The following RPL3 variants were observed in gnomAD, a reference collection of about 807,000 sequenced individuals.
RPL3 encodes the protein large ribosomal subunit protein uL3.
In RPL3, 3 loss-of-function variants were observed where a neutral mutation model predicts 46.0. The ratio of observed to expected loss-of-function variants is 0.07; its 90% confidence interval spans 0.03 to 0.17. The LOEUF (loss-of-function observed/expected upper bound fraction) is 0.17. Ranked by LOEUF, RPL3 falls within the 10% of genes least tolerant of loss-of-function variation. RPL3 has a pLI of 1.00. For synonymous variants in RPL3, 224 were observed against 190.8 expected, an observed-to-expected ratio of 1.17 and a Z score of -1.43; for missense variants, 387 against 532.7, an observed-to-expected ratio of 0.73 and a Z score of 2.69.
intron 2 of RPL3, 189 bp downstream of exon 2, chr22:39,318,211 A>G (rs738331): frequency 0.4 from 243,881 of 604,468 alleles, 55,367 homozygotes; most frequent in East Asian, 0.93. Flanking sequence ...AACAGTGCTG[A>G]CCATCTGTAG....
At position 39,318,596 on chromosome 22, in the gene RPL3, G is replaced by A. The variant is rs767555803; in HGVS notation, c.4-4C>T. 8 of 1,602,882 alleles carry A rather than the reference G, an allele frequency of 5.0e-6. No homozygotes were observed. Among genetic ancestry groups the A allele is most frequent in the African/African-American group, 1.3e-5 (1 of 74,616 alleles). ...GAGCGGAGAACTTTCTGTGAGACTA[G>A]GTGGGAAAAAAATCACCGTCAGCAC... is the stretch of plus-strand genomic sequence containing the variant. On this transcript the variant is annotated splice_polypyrimidine_tract_variant and splice_region_variant and intron_variant, in intron 1 of 9. Transcript: ENST00000216146.
chr22:39,314,544 A>G, intron 6 of RPL3, 142 bp downstream of exon 6: 1 of 1,027,956 alleles, frequency 9.7e-7, no homozygotes, highest in Non-Finnish European at 1.4e-6. Context: ...GATGGGCCAG[A>G]ACTGACCATG....
At position 39,319,577 on chromosome 22, in the gene RPL3, C is replaced by CGCCATTACAACACAT. The variant is rs1922927346; in HGVS notation, c.3+3_3+17dup. On this transcript the variant is annotated intron_variant, in intron 1 of 9. Transcript: ENST00000216146. ...CCGACGCCGGTGACAATGAAACGGCCGCCATTACAACACATACCATCACGC... is the reference window on the plus strand; with the variant it reads ...CCGACGCCGGTGACAATGAAACGGCCGCCATTACAACACATGCCATTACAACACATACCATCACGC... 1.9e-6 allele frequency: 3 copies of CGCCATTACAACACAT among 1,568,872 alleles called. No individual in the cohort carries two copies. Among genetic ancestry groups the CGCCATTACAACACAT allele is most frequent in the African/African-American group, 1.4e-5 (1 of 73,790 alleles).
chr22:39,318,832 A>T (rs1922865919), intron 1 of RPL3, among the ~76,000 whole-genome samples: 1 of 151,996 alleles, frequency 6.6e-6, no homozygotes, highest in South Asian at 2.1e-4. Flanking sequence ...AAAACGACCC[A>T]TTTTTTTTAT....
chr22:39,313,577 G>A, intron 8 of RPL3, 57 bp downstream of exon 8: 2 of 1,531,910 alleles, frequency 1.3e-6, no homozygotes, highest in Non-Finnish European at 9.0e-7. Context: ...CAGCGTCTGT[G>A]GCCTTGGATC....
chr22:39,317,393 C>T, intron 3 of RPL3, 68 bp downstream of exon 3: 2 of 1,537,108 alleles, frequency 1.3e-6, no homozygotes, highest in South Asian at 1.2e-5. Context: ...AGAAACCATG[C>T]ACACGCTGCT....
At chr22:39,315,762 T>C (rs924715908) in intron 4 of RPL3, among the ~76,000 whole-genome samples, 1 of 152,192 alleles carries the variant, frequency 6.6e-6, no homozygotes, top group Admixed American at 6.5e-5. Context: ...CCTGAGTTAC[T>C]GTCAGGATGA....
chr22:39,314,339 C>T (rs1380028015), intron 6 of RPL3, 131 bp from the exon 7 acceptor site: 2 of 798,048 alleles, frequency 2.5e-6, no homozygotes, highest in Non-Finnish European at 2.0e-6. Flanking sequence ...ATCCCAAGGT[C>T]AGAGCAAAAA....
At chr22:39,314,657 C>G in intron 6 of RPL3, 29 bp downstream of exon 6, 1 of 1,596,040 alleles carries the variant, frequency 6.3e-7, no homozygotes, top group South Asian at 1.1e-5. Flanking sequence ...CCTCTTCCCA[C>G]CCCCAGGGAG....
intron 5 of RPL3, 26 bp downstream of exon 5, chr22:39,315,343 G>A (rs775888728): frequency 1.2e-6 from 2 of 1,613,992 alleles, no homozygotes; most frequent in South Asian, 2.2e-5. Flanking sequence ...GGTTTGCACA[G>A]CAACTCAAGC....
At chr22:39,315,791 A>G (rs1569160634) in intron 4 of RPL3, among the ~76,000 whole-genome samples, 1 of 152,148 alleles carries the variant, frequency 6.6e-6, no homozygotes, top group Non-Finnish European at 1.5e-5. Flanking sequence ...GACCCACACC[A>G]CAGGCAAACA....
At position 39,317,488 on chromosome 22, in the gene RPL3, T is replaced by A; in HGVS notation, c.338A>T (p.Glu113Val). Residue 113 changes from glutamate to valine, a missense_variant, in exon 3 of 10, where the codon GAA becomes GTA. By Grantham distance (121) the Glu-to-Val change is moderately radical (BLOSUM62 -2). This residue lies in a region of RPL3 where 196 missense variants were observed against 217.5 expected (regional missense o/e 0.90). Coordinates refer to ENST00000216146, the MANE Select transcript of RPL3 (RefSeq NM_000967.4). ...KTVFAEHISDECKRRFYKNWH... is the reference protein window; with the variant it reads ...KTVFAEHISDVCKRRFYKNWH... The stretch of plus-strand genomic sequence containing the variant: ...ATTCTTATAGAAACGCCTCTTGCAT[T>A]CATCACTGATGTGCTCAGCAAAGAC... The A allele has an allele frequency of 6.2e-7, 1 of 1,613,940 alleles. No homozygotes were observed. The highest frequency in any genetic ancestry group is 8.5e-7 in the Non-Finnish European group (1 of 1,179,834).
chr22:39,319,354 G>A, intron 1 of RPL3: 2 of 615,702 alleles, frequency 3.2e-6, no homozygotes, highest in Non-Finnish European at 2.9e-6. Flanking sequence ...GGGCCTCCAA[G>A]CCTGCTCCCA....
chr22:39,316,536 G>C (rs969344801), intron 4 of RPL3, among the ~76,000 whole-genome samples, 170 bp downstream of exon 4: 1 of 152,236 alleles, frequency 6.6e-6, no homozygotes, highest in Non-Finnish European at 1.5e-5. Context: ...TGAGTCACCA[G>C]TTGAATTTTA....
intron 2 of RPL3, 162 bp from the exon 3 acceptor site, chr22:39,317,791 A>T: frequency 1.4e-6 from 1 of 703,488 alleles, no homozygotes; most frequent in Non-Finnish European, 2.4e-6. Flanking sequence ...CTCTCATTCA[A>T]AGCACATTTA....
At chr22:39,318,138 T>C in intron 2 of RPL3, 1 of 463,334 alleles carries the variant, frequency 2.2e-6, no homozygotes, top group Non-Finnish European at 3.8e-6. Context: ...AACTTCTCTT[T>C]GCTAAGGTTC....
intron 6 of RPL3, 101 bp downstream of exon 6, chr22:39,314,585 A>G (rs1922561114): frequency 7.3e-7 from 1 of 1,360,610 alleles, no homozygotes; most frequent in South Asian, 1.4e-5. Context: ...CACGTGATGC[A>G]TAAGCTACAG....
At chr22:39,316,416 C>T (rs1472052237) in intron 4 of RPL3, among the ~76,000 whole-genome samples, 1 of 152,154 alleles carries the variant, frequency 6.6e-6, no homozygotes, top group Non-Finnish European at 1.5e-5. Context: ...GCAAGAGGCA[C>T]CCACTCTAAC....
intron 2 of RPL3, 168 bp downstream of exon 2, chr22:39,318,232 T>C (rs947171497): frequency 1.1e-5 from 7 of 650,688 alleles, no homozygotes; most frequent in Middle Eastern, 5.0e-4. Context: ...CCTTGGAATA[T>C]TAGTTTTCAA....
Sources: gnomAD v4.1 joint callset for allele counts (sites outside exome capture counted in the v4.1 genomes callset) on GRCh38, gnomAD v4.1.1 for gene constraint, gnomAD v4.1.1 regional missense constraint, MANE v1.5 for transcripts, NCBI Gene and HGNC (gene_info 2026-07-23, HGNC 2026-07-21) for gene names.